The following SEC14L1 variants were observed in gnomAD, a reference collection of about 807,000 sequenced individuals.
SEC14L1 encodes SEC14 like lipid binding 1, also known as SEC14-like protein 1.
SEC14L1 carries 48 observed loss-of-function variants against 85.3 expected under a neutral mutation model. The observed-to-expected ratio is 0.56, with a 90% CI of 0.45 to 0.72. SEC14L1 has a LOEUF of 0.72. SEC14L1 is among the 30% of genes least tolerant of loss of function. SEC14L1 has a pLI of 0.00. For synonymous variants in SEC14L1, 391 were observed against 355.5 expected (o/e 1.10, Z -1.12); for missense variants, 682 against 921.4 (o/e 0.74, Z 3.36).
At chr17:77,098,904 T>C (rs1396750529) in intron 3 of SEC14L1, 1 of 152,244 alleles carries the variant, frequency 6.6e-6, no homozygotes, top group Non-Finnish European at 1.5e-5. Flanking sequence ...GTATTTAAAT[T>C]GCTAGCAACA....
chr17:77,207,042 T>A (rs1353074132), intron 13 of SEC14L1, among the ~76,000 whole-genome samples, 180 bp downstream of exon 13: 1 of 152,216 alleles, frequency 6.6e-6, no homozygotes, highest in African/African-American at 2.4e-5. Context: ...ATTGAAGTAA[T>A]TGTTGATACT....
rs561864814 is a variant in SEC14L1, at chr17:77,158,601, C to T, written c.63+14942C>T. Among the ~76,000 whole-genome samples the T allele has an allele frequency of 4.0e-5, 6 of 151,536 alleles. No homozygotes were observed. In the East Asian group the frequency reaches 8.1e-4, roughly 20 times the overall value. On this transcript the variant is annotated intron_variant, in intron 3 of 16. Coordinates refer to ENST00000436233, the MANE Select transcript of SEC14L1 (RefSeq NM_001143998.2). ...AGGTTCATCCATGTTGTAGCATGTG[C>T]AGAATTCCCTTCCTCTTCAGGGGTG...
At position 77,206,044 on chromosome 17, in the gene SEC14L1, TC is replaced by T. The variant is rs1302767486; in HGVS notation, c.1170-183del. ...TCAGGCCTTGGTCCTACCACACTGA[TC>T]CTGTGTGTTTTGTACAAGTAGATAT... On this transcript the variant is annotated intron_variant, in intron 11 of 16. Transcript: ENST00000436233. The surrounding 1 kb of genome is among the most constrained non-coding windows in gnomAD (Gnocchi z 4.3). Among the ~76,000 whole-genome samples, 1 of 152,190 alleles carries T rather than the reference TC, an allele frequency of 6.6e-6. No individual in the cohort carries two copies. The highest frequency in any genetic ancestry group is 1.5e-5 in the Non-Finnish European group (1 of 68,028).
At chr17:77,138,507 G>C (rs1009868969), upstream of SEC14L1, among the ~76,000 whole-genome samples, 1 of 152,146 alleles carries the variant, frequency 6.6e-6, no homozygotes, top group African/African-American at 2.4e-5. Context: ...AGCTACTCGG[G>C]AGGCTGAGGC....
intron 3 of SEC14L1, among the ~76,000 whole-genome samples, chr17:77,158,832 G>A (rs981880262): frequency 1.4e-3 from 27 of 19,856 alleles, no homozygotes; most frequent in Non-Finnish European, 2.1e-3. Flanking sequence ...TTTTTTTTTT[G>A]AGACAGTCTC....
At chr17:77,111,727 A>G (rs979012784) in intron 3 of SEC14L1, among the ~76,000 whole-genome samples, 4 of 152,234 alleles carry the variant, frequency 2.6e-5, no homozygotes, top group Admixed American at 6.5e-5. Flanking sequence ...TATTTACCCA[A>G]TGCCTGAACC....
At chr17:77,137,444 T>C (rs571842353), upstream of SEC14L1, among the ~76,000 whole-genome samples, 2 of 152,182 alleles carry the variant, frequency 1.3e-5, no homozygotes, top group Non-Finnish European at 2.9e-5. Context: ...GAAGATCTCA[T>C]GTGAACTTAG....
intron 9 of SEC14L1, among the ~76,000 whole-genome samples, chr17:77,201,948 T>C (rs1453702222): frequency 6.6e-6 from 1 of 152,182 alleles, no homozygotes; most frequent in Non-Finnish European, 1.5e-5. Context: ...GGGACGACAC[T>C]GCTGGTCTTC....
chr17:77,120,093 A>G (rs1972260346), intron 3 of SEC14L1, among the ~76,000 whole-genome samples: 1 of 152,134 alleles, frequency 6.6e-6, no homozygotes, highest in African/African-American at 2.4e-5. Flanking sequence ...AATCATGGCC[A>G]GGTGTGGTGG....
intron 3 of SEC14L1, among the ~76,000 whole-genome samples, chr17:77,161,898 CTCTT>C (rs997188623): frequency 5.0e-5 from 7 of 140,092 alleles, no homozygotes; most frequent in East Asian, 2.4e-4. Context: ...CTCTCTTTCT[CTCTT>C]TCTTTCTCTT....
Position 77,213,372 on chromosome 17 carries a change from T to A in SEC14L1, c.1922T>A (p.Met641Lys). Residue 641 changes from methionine (M) to lysine (K), a missense_variant, in exon 16 of 17, where the codon ATG (methionine) becomes AAG (lysine). Transcript: ENST00000436233. The surrounding 1 kb of genome is among the most constrained non-coding windows in gnomAD (Gnocchi z 7.1). ...FYILQWKFHS[M>K]PACAASSLPR... ...ATCCTGCAGTGGAAATTCCACAGCA[T>A]GCCTGCGTGCGCCGCCAGCAGCCTT... is the stretch of plus-strand genomic sequence containing the variant. The A allele has an allele frequency of 6.2e-7, 1 of 1,613,440 alleles. No homozygotes were observed. Among genetic ancestry groups the A allele is most frequent in the South Asian group, 1.1e-5 (1 of 91,040 alleles).
intron 3 of SEC14L1, among the ~76,000 whole-genome samples, chr17:77,172,664 A>G (rs1974566772): frequency 6.6e-6 from 1 of 152,158 alleles, no homozygotes; most frequent in Non-Finnish European, 1.5e-5. Context: ...ATTGGTAACA[A>G]AATGGAGCTT....
chr17:77,095,709 C>T (rs971419985), intron 3 of SEC14L1, among the ~76,000 whole-genome samples: 25 of 151,784 alleles, frequency 1.6e-4, no homozygotes, highest in Admixed American at 1.2e-3. Flanking sequence ...CCCAGCTGCT[C>T]GGGAGGCTGA....
At chr17:77,112,028 G>A (rs757760111) in intron 3 of SEC14L1, among the ~76,000 whole-genome samples, 1 of 152,182 alleles carries the variant, frequency 6.6e-6, no homozygotes, top group African/African-American at 2.4e-5. Flanking sequence ...GGAACCCGGT[G>A]GGAGGTAACT....
In SEC14L1 at chr17:77,132,282, C is replaced by T. The variant is rs144201807; in HGVS notation, c.-135-10364C>T. Among the ~76,000 whole-genome samples, 442 of 147,040 alleles carry T rather than the reference C, an allele frequency of 3.0e-3. 1 individual carries two copies. The highest frequency in any genetic ancestry group is 0.011 in the African/African-American group (412 of 38,910). On this transcript the variant is annotated intron_variant, in intron 3 of 19. Coordinates refer to the SEC14L1 transcript ENST00000392476. ...TGGCTCTGTCACCCAGGCTAGAGTG[C>T]AGTGGCACGATCTCACTGCACCCTC...
intron 3 of SEC14L1, among the ~76,000 whole-genome samples, chr17:77,134,679 C>T (rs1252298203): frequency 3.3e-5 from 5 of 152,136 alleles, no homozygotes; most frequent in Admixed American, 2.0e-4. Flanking sequence ...TGCAGTAAGC[C>T]GAGATTGTGC....
At position 77,183,712 on chromosome 17, in the gene SEC14L1, C is replaced by T. The variant is rs545559103; in HGVS notation, c.64-7091C>T. Among the ~76,000 whole-genome samples, 8 of 152,202 alleles carry T rather than the reference C, an allele frequency of 5.3e-5. No individual in the cohort carries two copies. The South Asian group carries it at 8.3e-4, about 16-fold the overall frequency. Reference sequence around the variant, plus strand: ...TTCCTTGGTTGTTCCCCAGATGTTTCGATAGCTATTTTTATTCCAATCCAA... The same window carrying T: ...TTCCTTGGTTGTTCCCCAGATGTTTTGATAGCTATTTTTATTCCAATCCAA... On this transcript the variant is annotated intron_variant, in intron 3 of 16. Coordinates refer to ENST00000436233, the MANE Select transcript of SEC14L1 (RefSeq NM_001143998.2).
At chr17:77,178,997 T>C (rs1188889395) in intron 3 of SEC14L1, among the ~76,000 whole-genome samples, 1 of 152,210 alleles carries the variant, frequency 6.6e-6, no homozygotes, top group Non-Finnish European at 1.5e-5. Flanking sequence ...GCCATGCTGT[T>C]TCCTAAGAGA....
At chr17:77,189,260 A>G (rs1317474776) in intron 3 of SEC14L1, among the ~76,000 whole-genome samples, 2 of 152,188 alleles carry the variant, frequency 1.3e-5, no homozygotes, top group Non-Finnish European at 2.9e-5. Flanking sequence ...AACAGAGAGC[A>G]GATGGGTGGT....
Sources: gnomAD v4.1 joint callset for allele counts (sites outside exome capture counted in the v4.1 genomes callset) on GRCh38, gnomAD v4.1.1 for gene constraint, Gnocchi (gnomAD v3.1) non-coding constraint, MANE v1.5 for transcripts, NCBI Gene and HGNC (gene_info 2026-07-23, HGNC 2026-07-21) for gene names.